Variants in VAV2 observed in about 807,000 individuals in gnomAD.
The protein encoded by VAV2 is vav guanine nucleotide exchange factor 2.
A neutral mutation model predicts 132.5 loss-of-function variants in VAV2; 67 were observed. That is an observed-to-expected ratio of 0.51 (90% CI 0.42 to 0.62). VAV2 has a LOEUF of 0.62. Ranked by LOEUF, VAV2 falls within the 20% of genes least tolerant of loss-of-function variation. The pLI is 0.00. For missense variants in VAV2, 938 were observed against 1,153.6 expected, an observed-to-expected ratio of 0.81 and a Z score of 2.71; for synonymous variants, 492 against 443.5, an observed-to-expected ratio of 1.11 and a Z score of -1.37.
chr9:133,990,161 A>G (rs1842971005), intron 1 of VAV2, among the ~76,000 whole-genome samples: 2 of 151,998 alleles, frequency 1.3e-5, no homozygotes, highest in Non-Finnish European at 2.9e-5. Context: ...AGAGCCACAC[A>G]GACACACACC....
chr9:133,784,252 G>A, intron 18 of VAV2, 65 bp downstream of exon 18: 2 of 1,526,094 alleles, frequency 1.3e-6, no homozygotes, highest in Non-Finnish European at 1.8e-6. Flanking sequence ...AGAACACTAA[G>A]CTCTCTCAGG....
Position 133,992,131 on chromosome 9 carries a change from G to C in VAV2, c.148C>G (p.Leu50Val), listed in dbSNP as rs1347343718. The change falls in exon 1 of 30, where the codon CTC (leucine) becomes GTC (valine). Residue 50 changes from leucine (L) to valine (V), a missense_variant. By Grantham distance (32) the Leu-to-Val change is conservative (BLOSUM62 1). Transcript: ENST00000371850. This position sits in a 1 kb window ranked among gnomAD's most constrained non-coding sequence, Gnocchi z 5.5. ...GVLLCQLLHN[L>V]SPGSIDLKDI... ...TTGAGGTCGATGGAGCCGGGGGAGA[G>C]GTTGTGCAGCAGCTGGCACAGAAGG... is the stretch of plus-strand genomic sequence containing the variant. The C allele has an allele frequency of 1.3e-6, 2 of 1,595,046 alleles. No homozygotes were observed. Among genetic ancestry groups the C allele is most frequent in the East Asian group, 2.3e-5 (1 of 43,252 alleles).
chr9:133,991,575 C>T lies in VAV2; in HGVS notation c.204+500G>A, dbSNP rs944266475. Among the ~76,000 whole-genome samples, 8 of 151,752 alleles carry T rather than the reference C, an allele frequency of 5.3e-5. No individual in the cohort carries two copies. Among genetic ancestry groups the T allele is most frequent in the African/African-American group, 1.9e-4 (8 of 41,414 alleles). ...GTGCCCGGGGCCAACCCAGCTCCCT[C>T]CGGCCCCGAGGGCTCCCGCCCCGCG... On this transcript the variant is annotated intron_variant, in intron 1 of 29. Coordinates refer to ENST00000371850, the MANE Select transcript of VAV2 (RefSeq NM_001134398.2). This position sits in a 1 kb window ranked among gnomAD's most constrained non-coding sequence, Gnocchi z 4.8.
At chr9:133,915,636 G>A (rs189657950) in intron 2 of VAV2, among the ~76,000 whole-genome samples, 171 of 151,414 alleles carry the variant, frequency 1.1e-3, no homozygotes, top group Admixed American at 2.3e-3. Context: ...ATGTGCACAC[G>A]CACACGATGT....
Position 133,826,734 on chromosome 9 carries a change from G to A in VAV2, c.449+7538C>T, listed in dbSNP as rs1336744605. On this transcript the variant is annotated intron_variant, in intron 4 of 29. Transcript: ENST00000371850. The surrounding 1 kb of genome is among the most constrained non-coding windows in gnomAD (Gnocchi z 4.2). Reference sequence around the variant, plus strand: ...GGCCTCTCTTCTGCCCTGAGTGGGAGCTTTCAAATTTCTCCCGTGTCCCTT... The same window carrying A: ...GGCCTCTCTTCTGCCCTGAGTGGGAACTTTCAAATTTCTCCCGTGTCCCTT... Among the ~76,000 whole-genome samples, 3 of 152,162 alleles carry A rather than the reference G, an allele frequency of 2.0e-5. No homozygotes were observed. Among genetic ancestry groups the A allele is most frequent in the Non-Finnish European group, 4.4e-5 (3 of 68,032 alleles).
Position 133,861,451 on chromosome 9 carries a change from G to T in VAV2, c.322-19C>A, listed in dbSNP as rs781243321. ...AGATGACCTGGGGGAGACAAGAAGA[G>T]ACGCTCCTGTAATTTCACAAGAAAC... On this transcript the variant is annotated intron_variant, in intron 2 of 29. Coordinates refer to ENST00000371850, the MANE Select transcript of VAV2 (RefSeq NM_001134398.2). The T allele has an allele frequency of 1.2e-6, 2 of 1,612,056 alleles. No individual in the cohort carries two copies. Among genetic ancestry groups the T allele is most frequent in the Non-Finnish European group, 1.7e-6 (2 of 1,179,348 alleles).
chr9:133,792,585 G>T (rs568476394), intron 12 of VAV2, among the ~76,000 whole-genome samples: 1 of 151,614 alleles, frequency 6.6e-6, no homozygotes, highest in East Asian at 1.9e-4. Context: ...CTGTGTGGTT[G>T]TGTGTGTGAG....
At chr9:133,930,681 T>C (rs1033445577) in intron 2 of VAV2, among the ~76,000 whole-genome samples, 1 of 152,244 alleles carries the variant, frequency 6.6e-6, no homozygotes, top group African/African-American at 2.4e-5. Flanking sequence ...TGTGCCTGTT[T>C]CCTTCCTCAC....
At chr9:133,915,893 A>T (rs1164289807) in intron 2 of VAV2, among the ~76,000 whole-genome samples, 1 of 149,948 alleles carries the variant, frequency 6.7e-6, no homozygotes, top group Non-Finnish European at 1.5e-5. Flanking sequence ...ATGCACACTC[A>T]CACACGATGC....
intron 17 of VAV2, among the ~76,000 whole-genome samples, chr9:133,785,280 G>A (rs1006646582): frequency 7.9e-5 from 12 of 152,218 alleles, no homozygotes; most frequent in African/African-American, 2.9e-4. Flanking sequence ...TCCAGGGTCC[G>A]TGTTCCGGGA....
rs1244876038 is a variant in VAV2 at position 133,916,619 on chromosome 9, G to A, written c.321+22484C>T. Among the ~76,000 whole-genome samples the A allele has an allele frequency of 5.3e-5, 8 of 152,208 alleles. No individual in the cohort carries two copies. The East Asian group carries it at 1.4e-3, about 26-fold the overall frequency. ...GGGGGTGAACAGAGAAAGGGAGAGA[G>A]AAGAGCCGGGAGTGCCTGTGTATTG... On this transcript the variant is annotated intron_variant, in intron 2 of 29. Coordinates refer to ENST00000371850, the MANE Select transcript of VAV2 (RefSeq NM_001134398.2).
chr9:133,892,884 G>C (rs1201127777), intron 2 of VAV2, among the ~76,000 whole-genome samples: 1 of 152,186 alleles, frequency 6.6e-6, no homozygotes, highest in Non-Finnish European at 1.5e-5. Flanking sequence ...GAAAGAAAGA[G>C]CCAAGCGGTC....
In VAV2 at chr9:133,784,927, T is replaced by C. The variant is rs140412645; in HGVS notation, c.1533-509A>G. On this transcript the variant is annotated intron_variant, in intron 17 of 29. Coordinates refer to ENST00000371850, the MANE Select transcript of VAV2 (RefSeq NM_001134398.2). ...GGCAGCGTGGTGAGAAGACGGCTATTCACCATCACGTCGCTTCAGCTTCCA... is the reference window on the plus strand; with the variant it reads ...GGCAGCGTGGTGAGAAGACGGCTATCCACCATCACGTCGCTTCAGCTTCCA... Among the ~76,000 whole-genome samples the C allele has an allele frequency of 7.9e-3, 1,204 of 152,248 alleles. 29 individuals are homozygous for C. The highest frequency in any genetic ancestry group is 0.043 in the Admixed American group (656 of 15,294).
At position 133,768,699 on chromosome 9, in the gene VAV2, C is replaced by T. The variant is rs1231141447; in HGVS notation, c.2435-103G>A. 2 of 1,408,534 alleles carry T rather than the reference C, an allele frequency of 1.4e-6. No individual in the cohort carries two copies. The highest frequency in any genetic ancestry group is 1.9e-6 in the Non-Finnish European group (2 of 1,051,320). 87.3% of individuals were successfully genotyped at this position (1,408,534 alleles called of 1,614,324 possible). A position where few individuals can be genotyped will look rare whatever the true frequency, so the allele number is the denominator to read the frequency against. ...TGGGTCTCTCCCCTGGTGCCCAGAA[C>T]CCTGCTCTGTACCCAGAGAGGAAGG... On this transcript the variant is annotated intron_variant, in intron 28 of 29. Transcript: ENST00000371850. The surrounding 1 kb of genome is among the most constrained non-coding windows in gnomAD (Gnocchi z 5.3).
rs1841954268 is a variant in VAV2, at chr9:133,961,173, C to T, written c.205-21954G>A. Among the ~76,000 whole-genome samples, 1 of 152,224 alleles carries T rather than the reference C, an allele frequency of 6.6e-6. No homozygotes were observed. The highest frequency in any genetic ancestry group is 1.5e-5 in the Non-Finnish European group (1 of 68,048). On this transcript the variant is annotated intron_variant, in intron 1 of 29. Coordinates refer to ENST00000371850, the MANE Select transcript of VAV2 (RefSeq NM_001134398.2). This position sits in a 1 kb window ranked among gnomAD's most constrained non-coding sequence, Gnocchi z 4.1. Reference sequence around the variant, plus strand: ...GGCCACCTCGGCTTCATTCACCAAGCGGTCCCCAAGAAACAATCACTGCAG... The same window carrying T: ...GGCCACCTCGGCTTCATTCACCAAGTGGTCCCCAAGAAACAATCACTGCAG...
chr9:133,971,458 C>T (rs1368638647), intron 1 of VAV2, among the ~76,000 whole-genome samples: 3 of 152,170 alleles, frequency 2.0e-5, no homozygotes, highest in African/African-American at 7.2e-5. Context: ...GGCCCACACA[C>T]ACACAGAGGG....
rs370859810 is a variant in VAV2 at position 133,785,951 on chromosome 9, G to A, written c.1423-66C>T. ...TTCAGACATCCTGGCACATGTCCAC[G>A]TGTACTCTCGCCTGTGCAGCATGTG... On this transcript the variant is annotated intron_variant, in intron 16 of 29. Coordinates refer to ENST00000371850, the MANE Select transcript of VAV2 (RefSeq NM_001134398.2). The A allele has an allele frequency of 7.4e-4, 1,042 of 1,399,442 alleles. 2 individuals carry two copies. Among genetic ancestry groups the A allele is most frequent in the Non-Finnish European group, 9.5e-4 (945 of 993,912 alleles). 86.7% of individuals were successfully genotyped at this position (1,399,442 alleles called of 1,614,324 possible).
intron 3 of VAV2, among the ~76,000 whole-genome samples, chr9:133,845,241 G>A (rs541891862): frequency 1.3e-5 from 2 of 152,372 alleles, no homozygotes; most frequent in African/African-American, 2.4e-5. Flanking sequence ...GGGCCAGGCC[G>A]GGGACTGAAT....
intron 11 of VAV2, 139 bp from the exon 12 acceptor site, chr9:133,795,875 T>G (rs55827132): frequency 0.022 from 18,434 of 842,426 alleles, 269 homozygotes; most frequent in East Asian, 0.051. Context: ...AGGCTGGGTT[T>G]GGCTGCCCGA....
Sources: allele counts gnomAD v4.1 joint callset (sites outside exome capture counted in the v4.1 genomes callset), GRCh38; gene constraint gnomAD v4.1.1; non-coding constraint Gnocchi (gnomAD v3.1); transcripts MANE v1.5; gene names NCBI Gene and HGNC (gene_info 2026-07-23, HGNC 2026-07-21).